The following RASGEF1C variants were observed in gnomAD, a reference collection of about 807,000 sequenced individuals.
RASGEF1C encodes RasGEF domain family member 1C.
In RASGEF1C, 27 loss-of-function variants were observed where a neutral mutation model predicts 58.1. That is an observed-to-expected ratio of 0.46 (90% CI 0.34 to 0.64). RASGEF1C has a LOEUF of 0.64. Among genes scored for constraint, RASGEF1C ranks in the 30% least tolerant of loss-of-function variants. The pLI, the probability that RASGEF1C is intolerant of heterozygous loss-of-function variation, is 0.01. For missense variants in RASGEF1C, 502 were observed against 605.1 expected, an observed-to-expected ratio of 0.83 and a Z score of 1.79; for synonymous variants, 243 against 246.3, an observed-to-expected ratio of 0.99 and a Z score of 0.13.
chr5:180,151,206 GA>G (rs1299462124), intron 1 of RASGEF1C, among the ~76,000 whole-genome samples: 1 of 151,712 alleles, frequency 6.6e-6, no homozygotes, highest in African/African-American at 2.4e-5. Context: ...CACAGAATTG[GA>G]AAAAACCACT....
At chr5:180,201,116 A>T (rs1482000038) in intron 1 of RASGEF1C, among the ~76,000 whole-genome samples, 1 of 152,058 alleles carries the variant, frequency 6.6e-6, no homozygotes, top group African/African-American at 2.4e-5. Context: ...AACAAGAAGA[A>T]GAAAGTCCCA....
At chr5:180,204,960 T>C (rs769307006) in intron 1 of RASGEF1C, among the ~76,000 whole-genome samples, 9 of 152,136 alleles carry the variant, frequency 5.9e-5, no homozygotes, top group African/African-American at 1.4e-4. Context: ...GAGGCTGAGA[T>C]GGCAGATCAT....
Position 180,197,543 on chromosome 5 carries a change from A to G in RASGEF1C, c.-7+11485T>C, listed in dbSNP as rs1200870718. Among the ~76,000 whole-genome samples the G allele has an allele frequency of 6.6e-6, 1 of 152,190 alleles. No homozygotes were observed. The highest frequency in any genetic ancestry group is 1.5e-5 in the Non-Finnish European group (1 of 68,030). On this transcript the variant is annotated intron_variant, in intron 1 of 13. Transcript: ENST00000361132. This position sits in a 1 kb window ranked among gnomAD's most constrained non-coding sequence, Gnocchi z 4.7. The stretch of plus-strand genomic sequence containing the variant: ...AGAGAGTGAGAGCAGTCCACGCTCA[A>G]AAATAGCCCAGACTGTCAACCGCAC...
chr5:180,115,860 C>T (rs1435806661), intron 10 of RASGEF1C, among the ~76,000 whole-genome samples: 1 of 150,554 alleles, frequency 6.6e-6, no homozygotes, highest in Non-Finnish European at 1.5e-5. Flanking sequence ...GTGCCGGGAT[C>T]AGTGGTGGGG....
chr5:180,164,158 T>A (rs1235833954), intron 1 of RASGEF1C, among the ~76,000 whole-genome samples: 1 of 152,240 alleles, frequency 6.6e-6, no homozygotes, highest in Non-Finnish European at 1.5e-5. Context: ...ATTGTATTGA[T>A]CTTTCTAAAG....
chr5:180,118,971 G>A, intron 8 of RASGEF1C, 105 bp from the exon 9 acceptor site: 6 of 1,037,334 alleles, frequency 5.8e-6, no homozygotes, highest in Admixed American at 1.9e-5. Context: ...AGGTCTGCAG[G>A]GCTCAGCCTG....
chr5:180,203,642 A>T (rs1411514953), intron 1 of RASGEF1C, among the ~76,000 whole-genome samples: 1 of 131,166 alleles, frequency 7.6e-6, no homozygotes, highest in African/African-American at 2.8e-5. Flanking sequence ...CGTTGCTTTA[A>T]GCCACTAGGT....
chr5:180,191,637 T>G (rs779269445), intron 1 of RASGEF1C, among the ~76,000 whole-genome samples: 6 of 152,116 alleles, frequency 3.9e-5, no homozygotes, highest in Admixed American at 2.0e-4. Flanking sequence ...ATTACAGGCG[T>G]GAGCCACCGC....
At chr5:180,184,255 A>G (rs1463613859) in intron 1 of RASGEF1C, among the ~76,000 whole-genome samples, 1 of 152,158 alleles carries the variant, frequency 6.6e-6, no homozygotes, top group East Asian at 1.9e-4. Context: ...CATTAAATGT[A>G]AATGTTCTAA....
chr5:180,182,057 T>G (rs559279930), intron 1 of RASGEF1C, among the ~76,000 whole-genome samples: 3 of 151,420 alleles, frequency 2.0e-5, no homozygotes, highest in Non-Finnish European at 2.9e-5. Context: ...CAAAAAAAAT[T>G]AGCCGGGCAT....
At position 180,111,593 on chromosome 5, in the gene RASGEF1C, CAG is replaced by C. The variant is rs766242413; in HGVS notation, c.1180-15_1180-14del. Reference sequence around the variant, plus strand: ...GCTCCAGGAATTTCTGCCAGGGTCACAGAGACACAGAATGGAGGCACTCCAGT... The same window carrying C: ...GCTCCAGGAATTTCTGCCAGGGTCACAGACACAGAATGGAGGCACTCCAGT... On this transcript the variant is annotated splice_polypyrimidine_tract_variant and intron_variant, in intron 11 of 13. Coordinates refer to ENST00000361132, the MANE Select transcript of RASGEF1C (RefSeq NM_175062.4). 6.2e-7 allele frequency: 1 copy of C among 1,614,118 alleles called. No individual in the cohort carries two copies. The highest frequency in any genetic ancestry group is 1.1e-5 in the South Asian group (1 of 91,084).
At chr5:180,132,698 C>T (rs890307520) in intron 4 of RASGEF1C, among the ~76,000 whole-genome samples, 1 of 152,146 alleles carries the variant, frequency 6.6e-6, no homozygotes, top group African/African-American at 2.4e-5. Flanking sequence ...AGGCCGGGCG[C>T]GGTGGCTCAT....
At chr5:180,160,723 A>G (rs1581113751) in intron 1 of RASGEF1C, among the ~76,000 whole-genome samples, 4 of 152,286 alleles carry the variant, frequency 2.6e-5, no homozygotes, top group Admixed American at 2.6e-4. Flanking sequence ...AGCAAGCAGA[A>G]GAGTATTTCT....
At chr5:180,128,003 G>A (rs1766292445) in intron 5 of RASGEF1C, among the ~76,000 whole-genome samples, 1 of 152,230 alleles carries the variant, frequency 6.6e-6, no homozygotes, top group African/African-American at 2.4e-5. Flanking sequence ...TGGTGGCTAG[G>A]AGCATGGCAT....
At chr5:180,102,038 GC>G (rs761254455) in intron 13 of RASGEF1C, 32 bp downstream of exon 13, 57 of 1,047,082 alleles carry the variant, frequency 5.4e-5, no homozygotes, top group Admixed American at 4.4e-4. Flanking sequence ...ATCCCAAGCA[GC>G]CCCCAGGCCC....
chr5:180,107,144 A>T (rs1358268062), intron 12 of RASGEF1C, among the ~76,000 whole-genome samples: 2 of 152,160 alleles, frequency 1.3e-5, no homozygotes, highest in African/African-American at 4.8e-5. Flanking sequence ...ACTTATCAAA[A>T]TGTCTCTATC....
chr5:180,167,424 A>C (rs1029048630), intron 1 of RASGEF1C, among the ~76,000 whole-genome samples: 1 of 152,166 alleles, frequency 6.6e-6, no homozygotes, highest in African/African-American at 2.4e-5. Flanking sequence ...TTGGAGGCGG[A>C]GGCGCAGTGA....
At chr5:180,103,344 T>C (rs1765828743) in intron 12 of RASGEF1C, among the ~76,000 whole-genome samples, 1 of 152,226 alleles carries the variant, frequency 6.6e-6, no homozygotes, top group Admixed American at 6.5e-5. Context: ...CCCAGAGTGC[T>C]GAGATTACAG....
intron 1 of RASGEF1C, among the ~76,000 whole-genome samples, chr5:180,181,925 C>T (rs902624006): frequency 2.6e-5 from 4 of 152,020 alleles, no homozygotes; most frequent in Admixed American, 1.3e-4. Context: ...AGCCATGGGC[C>T]GGGCGCAGTG....
Sources: allele counts gnomAD v4.1 joint callset (sites outside exome capture counted in the v4.1 genomes callset), GRCh38; gene constraint gnomAD v4.1.1; non-coding constraint Gnocchi (gnomAD v3.1); transcripts MANE v1.5; gene names NCBI Gene and HGNC (gene_info 2026-07-23, HGNC 2026-07-21).